NBPF10: variants seen among roughly 807,000 people sequenced by gnomAD.
The protein encoded by NBPF10 is NBPF member 10.
In NBPF10, 63 loss-of-function variants were observed where a neutral mutation model predicts 77.9. The observed-to-expected ratio is 0.81, with a 90% confidence interval of 0.66 to 1.00. NBPF10 has a LOEUF of 1.00. NBPF10 is among the 50% of genes least tolerant of loss of function. The pLI is 0.00. For missense variants in NBPF10, 522 were observed against 679.8 expected (o/e 0.77, Z 2.58); for synonymous variants, 146 against 264.5 (o/e 0.55, Z 4.35).
At chr1:146,142,214 G>A (rs1416750233) in intron 2 of NBPF10, among the ~76,000 whole-genome samples, 1 of 113,146 alleles carries the variant, frequency 8.8e-6, no homozygotes, top group African/African-American at 2.9e-5. Flanking sequence ...GTGCAGATGG[G>A]GCGAATTGAA....
intron 5 of NBPF10, among the ~76,000 whole-genome samples, chr1:146,139,273 T>G (rs1338639077): frequency 1.3e-5 from 2 of 151,082 alleles, no homozygotes; most frequent in African/African-American, 4.8e-5. Flanking sequence ...CTATTTTTTT[T>G]TTTTTTTTTG....
intron 1 of NBPF10, 113 bp from the exon 2 acceptor site, chr1:146,142,865 A>C (rs1660443090): frequency 3.5e-6 from 2 of 577,582 alleles, no homozygotes; most frequent in African/African-American, 3.7e-5. Context: ...CCCCAGTACC[A>C]GGGTCTAGAC....
chr1:146,067,131 C>T (rs782202504), intron 89 of NBPF10, 49 bp downstream of exon 89: 3 of 625,970 alleles, frequency 4.8e-6, no homozygotes, highest in African/African-American at 1.8e-5. Flanking sequence ...GAATCTGTTG[C>T]CTCCAGGTGT....
At chr1:146,121,948 G>T (rs1658228348) in intron 19 of NBPF10, among the ~76,000 whole-genome samples, 1 of 135,028 alleles carries the variant, frequency 7.4e-6, no homozygotes. Flanking sequence ...GGGAGTCAAA[G>T]GACACTCTGA....
At chr1:146,126,309 G>A (rs781854682) in exon 14 of NBPF10, 3 of 1,509,188 alleles carry the variant, frequency 2.0e-6, no homozygotes, top group Non-Finnish European at 1.8e-6. Context: ...GCTGGCATGA[G>A]TCAGTCAGTT....
chr1:146,139,240 C>A (rs1336718283), intron 5 of NBPF10, among the ~76,000 whole-genome samples: 1 of 149,340 alleles, frequency 6.7e-6, no homozygotes, highest in Admixed American at 6.7e-5. Flanking sequence ...GCTGGGACTA[C>A]AGGCGCCCAC....
intron 11 of NBPF10, among the ~76,000 whole-genome samples, chr1:146,129,875 T>C (rs1659111793): frequency 1.1e-5 from 1 of 94,508 alleles, no homozygotes; most frequent in South Asian, 2.9e-4. Flanking sequence ...TAGTTTTCCT[T>C]TATTATTTTT....
intron 13 of NBPF10, 91 bp downstream of exon 13, chr1:146,126,937 A>C: frequency 3.9e-6 from 2 of 509,556 alleles, no homozygotes; most frequent in Non-Finnish European, 6.8e-6. Context: ...GACAAGACAA[A>C]ATCATTATTT....
chr1:146,069,893 G>A (rs1655651754), intron 85 of NBPF10, among the ~76,000 whole-genome samples, 178 bp from the exon 86 acceptor site: 1 of 114,848 alleles, frequency 8.7e-6, no homozygotes, highest in Non-Finnish European at 1.9e-5. Flanking sequence ...AGAAAACAAT[G>A]AAAGAGAAAG....
chr1:146,067,574 A>G (rs1231280860), intron 88 of NBPF10, among the ~76,000 whole-genome samples: 4 of 150,300 alleles, frequency 2.7e-5, no homozygotes, highest in Admixed American at 1.3e-4. Flanking sequence ...ATCAACGTAA[A>G]GCAAATACCC....
At chr1:146,066,887 G>T (rs11803896) in intron 89 of NBPF10, among the ~76,000 whole-genome samples, 592 of 121,856 alleles carry the variant, frequency 4.9e-3, no homozygotes, top group East Asian at 0.011. Context: ...AGCAAACAGT[G>T]ATCATGAAAA....
At chr1:146,136,588 C>A (rs146347369) in intron 6 of NBPF10, 133 bp from the exon 7 acceptor site, 16,584 of 561,300 alleles carry the variant, frequency 0.03, 438 homozygotes, top group African/African-American at 0.23. Context: ...CAGGGATTTC[C>A]ACATCTTTAC....
chr1:146,141,938 CAT>C, intron 2 of NBPF10, 120 bp from the exon 3 acceptor site: 2 of 842,822 alleles, frequency 2.4e-6, no homozygotes, highest in South Asian at 2.9e-5. Context: ...AAGGTCAGCA[CAT>C]GTTGAAAGGA....
intron 4 of NBPF10, among the ~76,000 whole-genome samples, 194 bp from the exon 5 acceptor site, chr1:146,140,214 G>C (rs1660163398): frequency 7.8e-6 from 1 of 128,750 alleles, no homozygotes; most frequent in Non-Finnish European, 1.8e-5. Context: ...AGCCAGAGAG[G>C]AAGAGAGCAG....
rs587763388 is a variant in NBPF10, at chr1:146,141,851, A to G, written c.279-33T>C. 34 of 1,257,010 alleles carry G rather than the reference A, an allele frequency of 2.7e-5. 3 individuals carry two copies. The highest frequency in any genetic ancestry group is 1.1e-4 in the African/African-American group (8 of 71,094). 77.9% of individuals were successfully genotyped at this position (1,257,010 alleles called of 1,614,324 possible). The stretch of plus-strand genomic sequence containing the variant: ...GAGACGGTAGAGAAAATTTAAGAGT[A>G]GAAAGGGTTGAGTGATCCGTTCAAA... On this transcript the variant is annotated intron_variant, in intron 2 of 89. Transcript: ENST00000583866.
intron 14 of NBPF10, 91 bp downstream of exon 14, chr1:146,126,145 T>A (rs1658602455): frequency 1.2e-6 from 1 of 836,460 alleles, no homozygotes; most frequent in South Asian, 1.4e-5. Context: ...CAATGACATC[T>A]CTCAGCTCAG....
intron 71 of NBPF10, among the ~76,000 whole-genome samples, chr1:146,081,035 AG>A (rs1656269638): frequency 8.6e-4 from 56 of 64,892 alleles, no homozygotes; most frequent in African/African-American, 2.1e-3. Flanking sequence ...ACACACAGAG[AG>A]AGAGAGAGAG....
chr1:146,121,961 T>A (rs1353043925), intron 19 of NBPF10, among the ~76,000 whole-genome samples: 1 of 130,464 alleles, frequency 7.7e-6, no homozygotes, highest in East Asian at 2.7e-4. Context: ...CACTCTGAGT[T>A]AGTGCCCTCA....
At chr1:146,067,825 C>A (rs1290232374) in intron 88 of NBPF10, among the ~76,000 whole-genome samples, 178 bp downstream of exon 88, 6 of 151,916 alleles carry the variant, frequency 3.9e-5, no homozygotes, top group African/African-American at 1.5e-4. Context: ...GCTCACTGAA[C>A]CATTTCATGT....
Sources: allele counts gnomAD v4.1 joint callset (sites outside exome capture counted in the v4.1 genomes callset), GRCh38; gene constraint gnomAD v4.1.1; transcripts MANE v1.5; gene names NCBI Gene and HGNC (gene_info 2026-07-23, HGNC 2026-07-21).